The following ETV5 variants were observed in gnomAD, a reference collection of about 807,000 sequenced individuals.
ETV5 encodes ETS translocation variant 5.
Under a neutral mutation model 70.0 loss-of-function variants are expected in ETV5, and 10 were observed. The observed-to-expected ratio is 0.14, with a 90% CI of 0.09 to 0.24. The LOEUF is 0.24. Ranked by LOEUF, ETV5 falls within the 10% of genes least tolerant of loss-of-function variation. ETV5 has a pLI of 1.00. For synonymous variants in ETV5, 216 were observed against 242.2 expected (o/e 0.89, Z 1.01); for missense variants, 453 against 651.2 (o/e 0.70, Z 3.31).
At chr3:186,077,116 C>T (rs930377089) in intron 7 of ETV5, among the ~76,000 whole-genome samples, 2 of 152,160 alleles carry the variant, frequency 1.3e-5, no homozygotes, top group Non-Finnish European at 2.9e-5. Context: ...TGATTTCTAA[C>T]CTATAAAATG....
Position 186,056,194 on chromosome 3 carries a change from A to C in ETV5, c.1209+881T>G, listed in dbSNP as rs1713158756. On this transcript the variant is annotated intron_variant, in intron 11 of 12. Transcript: ENST00000306376. ...AGTGTATTTCTGTTCTGGGCACAAA[A>C]ACAGTAACAGTGTTTTTTTCCTATT... Among the ~76,000 whole-genome samples the C allele has an allele frequency of 2.0e-5, 3 of 152,284 alleles. No individual in the cohort carries two copies. The South Asian group carries it at 6.2e-4, about 32-fold the overall frequency.
chr3:186,086,403 T>C (rs894149658), intron 5 of ETV5, among the ~76,000 whole-genome samples: 24 of 152,048 alleles, frequency 1.6e-4, no homozygotes, highest in African/African-American at 5.1e-4. Flanking sequence ...GCCAATGCAA[T>C]AAGGCAAGAA....
At chr3:186,081,549 C>T (rs1447934312) in intron 5 of ETV5, among the ~76,000 whole-genome samples, 1 of 151,914 alleles carries the variant, frequency 6.6e-6, no homozygotes, top group Non-Finnish European at 1.5e-5. Context: ...GACAAAACGA[C>T]CAAAAATGTG....
At chr3:186,085,508 T>A (rs1714035760) in intron 5 of ETV5, among the ~76,000 whole-genome samples, 1 of 79,596 alleles carries the variant, frequency 1.3e-5, no homozygotes, top group Non-Finnish European at 2.3e-5. Context: ...GTAGCCTTCG[T>A]TTTTTTTTTT....
intron 5 of ETV5, among the ~76,000 whole-genome samples, chr3:186,093,108 C>T (rs1714220911): frequency 6.6e-6 from 1 of 152,148 alleles, no homozygotes; most frequent in Non-Finnish European, 1.5e-5. Context: ...TGGAGAAATC[C>T]AGCATATCAG....
chr3:186,060,061 C>T (rs556610362), intron 9 of ETV5, among the ~76,000 whole-genome samples: 4 of 152,268 alleles, frequency 2.6e-5, no homozygotes, highest in East Asian at 1.9e-4. Flanking sequence ...ACATATTTCC[C>T]GATCTTCCAT....
At chr3:186,095,815 G>C (rs1330318788) in intron 5 of ETV5, among the ~76,000 whole-genome samples, 1 of 152,230 alleles carries the variant, frequency 6.6e-6, no homozygotes, top group Non-Finnish European at 1.5e-5. Flanking sequence ...CTCTGGGTTT[G>C]AGACCCTTTA....
At chr3:186,084,603 G>T (rs1714013374) in intron 5 of ETV5, among the ~76,000 whole-genome samples, 1 of 152,140 alleles carries the variant, frequency 6.6e-6, no homozygotes, top group African/African-American at 2.4e-5. Context: ...CTGACTTTTA[G>T]CATCTTCTCA....
At chr3:186,065,770 G>C in intron 8 of ETV5, 43 bp downstream of exon 8, 1 of 1,612,062 alleles carries the variant, frequency 6.2e-7, no homozygotes. Flanking sequence ...CGAGACAGAA[G>C]AATGCAAGAA....
chr3:186,068,583 T>G (rs1713511466), intron 7 of ETV5, among the ~76,000 whole-genome samples: 1 of 152,226 alleles, frequency 6.6e-6, no homozygotes, highest in Admixed American at 6.5e-5. Flanking sequence ...GCCCTTTCCC[T>G]GTTGGGTGTG....
chr3:186,093,737 A>C (rs1714240913), intron 5 of ETV5, among the ~76,000 whole-genome samples: 1 of 151,994 alleles, frequency 6.6e-6, no homozygotes, highest in Non-Finnish European at 1.5e-5. Context: ...CTACCTCTTT[A>C]CTCCTTCCAG....
At chr3:186,073,294 T>A (rs1713690149) in intron 7 of ETV5, among the ~76,000 whole-genome samples, 1 of 152,214 alleles carries the variant, frequency 6.6e-6, no homozygotes, top group Non-Finnish European at 1.5e-5. Flanking sequence ...TTATGTAAAA[T>A]AAAAGTGATT....
chr3:186,084,810 G>A (rs897284670), intron 5 of ETV5, among the ~76,000 whole-genome samples: 3 of 152,070 alleles, frequency 2.0e-5, no homozygotes, highest in Non-Finnish European at 2.9e-5. Flanking sequence ...TACTCTACTC[G>A]CTCACTTTGT....
At chr3:186,106,885 A>T in intron 1 of ETV5, 4 of 930,700 alleles carry the variant, frequency 4.3e-6, no homozygotes, top group Non-Finnish European at 5.1e-6. Context: ...AAACACTTTT[A>T]TTCTTCAAAT....
At chr3:186,085,736 C>G (rs1441854839) in intron 5 of ETV5, among the ~76,000 whole-genome samples, 1 of 152,134 alleles carries the variant, frequency 6.6e-6, no homozygotes, top group African/African-American at 2.4e-5. Flanking sequence ...TCTCAAACTC[C>G]TGACCTCAGG....
At chr3:186,049,935 C>T (rs1261832683) in intron 12 of ETV5, among the ~76,000 whole-genome samples, 1 of 152,116 alleles carries the variant, frequency 6.6e-6, no homozygotes, top group Non-Finnish European at 1.5e-5. Context: ...TGAGTCTTAA[C>T]CTCTGTGAAC....
chr3:186,068,640 A>G (rs148159849), intron 7 of ETV5, among the ~76,000 whole-genome samples: 1 of 152,198 alleles, frequency 6.6e-6, no homozygotes, highest in African/African-American at 2.4e-5. Flanking sequence ...GAAGTGACCA[A>G]AGGCAAAGTT....
intron 5 of ETV5, among the ~76,000 whole-genome samples, chr3:186,096,348 A>G (rs1269268644): frequency 2.0e-5 from 3 of 152,164 alleles, no homozygotes; most frequent in Admixed American, 6.5e-5. Context: ...CCCCTCTTCT[A>G]TTCTACCTTT....
intron 5 of ETV5, among the ~76,000 whole-genome samples, chr3:186,099,842 G>C (rs138743368): frequency 1.1e-3 from 165 of 152,324 alleles, no homozygotes; most frequent in Non-Finnish European, 1.9e-3. Flanking sequence ...TGACACAGAT[G>C]TAACTCCCCG....
Sources: gnomAD v4.1 joint callset for allele counts (sites outside exome capture counted in the v4.1 genomes callset) on GRCh38, gnomAD v4.1.1 for gene constraint, MANE v1.5 for transcripts, NCBI Gene and HGNC (gene_info 2026-07-23, HGNC 2026-07-21) for gene names.